DDX4: variants seen among roughly 807,000 people sequenced by gnomAD.
DDX4 encodes the protein DEAD-box helicase 4.
A neutral mutation model predicts 100.0 loss-of-function variants in DDX4; 25 were observed. The ratio of observed to expected loss-of-function variants is 0.25; its 90% CI spans 0.18 to 0.35. DDX4 has a LOEUF of 0.35. DDX4 is among the 10% of genes least tolerant of loss of function. The probability of loss-of-function intolerance (pLI) is 1.00; values close to 1 mark genes in which losing one functional copy is unlikely to be tolerated. For missense variants in DDX4, 635 were observed against 882.4 expected, an observed-to-expected ratio of 0.72 and a Z score of 3.55; for synonymous variants, 259 against 275.7, an observed-to-expected ratio of 0.94 and a Z score of 0.60.
chr5:55,767,401 C>T (rs1373641805), intron 6 of DDX4, among the ~76,000 whole-genome samples: 3 of 152,296 alleles, frequency 2.0e-5, no homozygotes, highest in East Asian at 3.9e-4. Context: ...GAGGTTGTGC[C>T]AGTGCACTCC....
At position 55,816,350 on chromosome 5, in the gene DDX4, G is replaced by A. The variant is rs915656894; in HGVS notation, c.2098-113G>A. On this transcript the variant is annotated intron_variant, in intron 21 of 21. Transcript: ENST00000505374. Reference sequence around the variant, plus strand: ...TAAAGTTCTTTGATTATTTGGGGAAGACATGGTAGATACTTTGAGTCCTTG... The same window carrying A: ...TAAAGTTCTTTGATTATTTGGGGAAAACATGGTAGATACTTTGAGTCCTTG... 1.9e-5 allele frequency: 27 copies of A among 1,419,112 alleles called. No homozygotes were observed. The South Asian group carries it at 2.5e-4, about 13-fold the overall frequency. 87.9% of individuals were successfully genotyped at this position (1,419,112 alleles called of 1,614,324 possible).
intron 7 of DDX4, among the ~76,000 whole-genome samples, chr5:55,771,103 G>A (rs1031283847): frequency 3.3e-5 from 5 of 152,034 alleles, no homozygotes; most frequent in African/African-American, 9.7e-5. Context: ...TTTGCATATA[G>A]GGGTCACTCA....
At chr5:55,774,242 C>A (rs1741427717) in intron 7 of DDX4, among the ~76,000 whole-genome samples, 2 of 151,622 alleles carry the variant, frequency 1.3e-5, no homozygotes, top group African/African-American at 4.8e-5. Context: ...GCTTCAACTT[C>A]CTGGTCTCAA....
At chr5:55,759,694 T>C (rs920486337) in intron 3 of DDX4, among the ~76,000 whole-genome samples, 1 of 152,162 alleles carries the variant, frequency 6.6e-6, no homozygotes. Context: ...TATAAAAATT[T>C]TTTTATGTCT....
intron 14 of DDX4, among the ~76,000 whole-genome samples, 185 bp downstream of exon 14, chr5:55,786,855 A>G (rs560211721): frequency 1.3e-5 from 2 of 152,212 alleles, no homozygotes; most frequent in South Asian, 2.1e-4. Flanking sequence ...ATTCTGAACT[A>G]TTCCTGGGGT....
rs753023573 is a variant in DDX4, at chr5:55,813,674, G to T, written c.1617G>T (p.Gly539=). The change falls in exon 19 of 22, where the codon GGG becomes GGT. Residue 539 remains glycine (G), a splice_region_variant and synonymous_variant. Transcript: ENST00000505374. ...EKLVEILRNI[G]DERTMVFVET... is the part of the protein sequence containing the mutation. Reference sequence around the variant, plus strand: ...ATTAATAATTTCATTGTCTTGTAGGGGATGAAAGAACTATGGTCTTTGTTG... The same window carrying T: ...ATTAATAATTTCATTGTCTTGTAGGTGATGAAAGAACTATGGTCTTTGTTG... 1.3e-6 allele frequency: 2 copies of T among 1,575,644 alleles called. No individual in the cohort carries two copies. The highest frequency in any genetic ancestry group is 1.2e-5 in the South Asian group (1 of 82,294).
At chr5:55,802,894 A>T (rs114869914) in intron 18 of DDX4, among the ~76,000 whole-genome samples, 4,121 of 152,306 alleles carry the variant, frequency 0.027, 80 homozygotes, top group South Asian at 0.051. Flanking sequence ...AAAGCCATTT[A>T]AAAAATACTA....
intron 18 of DDX4, among the ~76,000 whole-genome samples, chr5:55,805,746 T>G (rs986287125): frequency 1.8e-4 from 27 of 152,244 alleles, no homozygotes; most frequent in Non-Finnish European, 2.6e-4. Flanking sequence ...TTGAGGATTT[T>G]TGCATCAATG....
chr5:55,815,429 T>C lies in DDX4; in HGVS notation c.2097+6T>C. 5 of 1,601,146 alleles carry C rather than the reference T, an allele frequency of 3.1e-6. No individual in the cohort carries two copies. In the South Asian group the frequency reaches 4.6e-5, roughly 15 times the overall value. The stretch of plus-strand genomic sequence containing the variant: ...CATCAGTTGATACCAGAAAGGTTAG[T>C]AGAAAGGAAAACTTGAGAACTTGTC... On this transcript the variant is annotated splice_donor_region_variant and intron_variant, in intron 21 of 21. Transcript: ENST00000505374.
At chr5:55,753,571 G>A (rs1759716765) in intron 3 of DDX4, among the ~76,000 whole-genome samples, 1 of 152,204 alleles carries the variant, frequency 6.6e-6, no homozygotes, top group Admixed American at 6.5e-5. Context: ...TTTGGTTACT[G>A]TGGCCTTGTA....
At chr5:55,773,879 C>T (rs1741400912) in intron 7 of DDX4, among the ~76,000 whole-genome samples, 1 of 152,138 alleles carries the variant, frequency 6.6e-6, no homozygotes, top group Non-Finnish European at 1.5e-5. Context: ...CTGCCTCAGC[C>T]TCCCAAAGTG....
intron 3 of DDX4, among the ~76,000 whole-genome samples, chr5:55,751,490 C>T (rs1759547738): frequency 6.6e-6 from 1 of 152,232 alleles, no homozygotes; most frequent in Non-Finnish European, 1.5e-5. Flanking sequence ...CTGCCTTGGC[C>T]TCCCAAAGTG....
rs2305123 is a variant in DDX4, at chr5:55,785,866, A to G, written c.859A>G (p.Ile287Val). The G allele has an allele frequency of 0.11, 177,536 of 1,604,418 alleles. 10,279 individuals are homozygous for G. The highest frequency in any genetic ancestry group is 0.14 in the East Asian group (6,127 of 44,784). ...EVSGHDAPPA[I>V]LTFEEANLCQ... is the part of the protein sequence containing the mutation. ...GTCTGGACATGATGCACCACCAGCA[A>G]TTCTGGTCAGTGTATTAATTGTTTC... Residue 287 changes from isoleucine to valine, a missense_variant, in exon 13 of 22, where the codon ATT becomes GTT. Transcript: ENST00000505374.
intron 2 of DDX4, among the ~76,000 whole-genome samples, chr5:55,743,098 A>G (rs1474325335): frequency 6.6e-6 from 1 of 152,202 alleles, no homozygotes; most frequent in South Asian, 2.1e-4. Context: ...CAAACTGGGT[A>G]ACTTAAAGCA....
rs756854229 is a variant in DDX4, at chr5:55,816,815, A to T, written c.*275A>T. ...GGTATATTCTTTAGGGGGCTTAGACATGTTTAATGTTTAAATGCCAAGTCT... is the reference window on the plus strand; with the variant it reads ...GGTATATTCTTTAGGGGGCTTAGACTTGTTTAATGTTTAAATGCCAAGTCT... On this transcript the variant is annotated 3_prime_UTR_variant, in exon 22 of 22. Transcript: ENST00000505374. 1 of 358,732 alleles carries T rather than the reference A, an allele frequency of 2.8e-6. No homozygotes were observed. The highest frequency in any genetic ancestry group is 5.3e-5 in the East Asian group (1 of 18,888). 22.2% of individuals were successfully genotyped at this position (358,732 alleles called of 1,614,324 possible).
At chr5:55,774,202 G>A (rs1029093295) in intron 7 of DDX4, among the ~76,000 whole-genome samples, 1 of 150,574 alleles carries the variant, frequency 6.6e-6, no homozygotes, top group African/African-American at 2.4e-5. Context: ...CAGACTCTGG[G>A]GTGCAGTGGC....
Position 55,786,615 on chromosome 5 carries a change from T to G in DDX4, c.962T>G (p.Ile321Ser). 1.9e-6 allele frequency: 3 copies of G among 1,613,188 alleles called. No homozygotes were observed. The highest frequency in any genetic ancestry group is 2.5e-6 in the Non-Finnish European group (3 of 1,179,158). The part of the protein sequence containing the change: ...LTPVQKYSIP[I>S]ILAGRDLMAC... ...CCTGTGCAAAAATACAGTATTCCTA[T>G]CATACTTGCAGGACGAGATTTGATG... Residue 321 changes from isoleucine to serine, a missense_variant, in exon 14 of 22, where the codon ATC becomes AGC. Transcript: ENST00000505374.
At chr5:55,765,895 C>G (rs1740891067) in intron 6 of DDX4, among the ~76,000 whole-genome samples, 1 of 152,002 alleles carries the variant, frequency 6.6e-6, no homozygotes, top group Non-Finnish European at 1.5e-5. Flanking sequence ...ACCTCTGCGT[C>G]CAGGGTTCAA....
chr5:55,767,088 A>G, intron 6 of DDX4: 1 of 1,294,096 alleles, frequency 7.7e-7, no homozygotes, highest in South Asian at 1.7e-5. Flanking sequence ...TTTCATTAGC[A>G]TGAATGGGGG....
Sources: gnomAD v4.1 joint callset for allele counts (sites outside exome capture counted in the v4.1 genomes callset) on GRCh38, gnomAD v4.1.1 for gene constraint, MANE v1.5 for transcripts, NCBI Gene and HGNC (gene_info 2026-07-23, HGNC 2026-07-21) for gene names.